Variants in VPS13B observed in about 807,000 individuals in gnomAD.
VPS13B encodes intermembrane lipid transfer protein VPS13B.
In VPS13B, 285 loss-of-function variants were observed where a neutral mutation model predicts 426.4. The observed-to-expected ratio is 0.67, with a 90% CI of 0.61 to 0.74. The LOEUF is 0.74. Among genes scored for constraint, VPS13B ranks in the 30% least tolerant of loss-of-function variants. VPS13B has a pLI of 0.00. For synonymous variants in VPS13B, 1,676 were observed against 1,676.4 expected, an observed-to-expected ratio of 1.00 and a Z score of 0.01; for missense variants, 4,537 against 4,782.6, an observed-to-expected ratio of 0.95 and a Z score of 1.51.
chr8:99,571,613 C>T (rs1037517275), intron 31 of VPS13B, among the ~76,000 whole-genome samples: 5 of 151,890 alleles, frequency 3.3e-5, no homozygotes, highest in African/African-American at 1.2e-4. Context: ...AGTGTTTGCT[C>T]TTATTTGGTT....
At chr8:99,255,665 C>G (rs1270575483) in intron 17 of VPS13B, among the ~76,000 whole-genome samples, 1 of 152,078 alleles carries the variant, frequency 6.6e-6, no homozygotes, top group Non-Finnish European at 1.5e-5. Context: ...AAAATTCTGG[C>G]TCTCAGTGAG....
intron 15 of VPS13B, among the ~76,000 whole-genome samples, chr8:99,162,577 G>A (rs1490714168): frequency 6.6e-6 from 1 of 152,014 alleles, no homozygotes; most frequent in Non-Finnish European, 1.5e-5. Flanking sequence ...TCGTGGTCTC[G>A]CTGGCTCAGG....
intron 2 of VPS13B, among the ~76,000 whole-genome samples, chr8:99,019,091 T>C: frequency 6.6e-6 from 1 of 152,164 alleles, no homozygotes; most frequent in Non-Finnish European, 1.5e-5. Flanking sequence ...ATTGATTTAT[T>C]TGTGAGGTAT....
intron 19 of VPS13B, among the ~76,000 whole-genome samples, chr8:99,303,638 A>G (rs935722842): frequency 2.6e-4 from 35 of 132,744 alleles, no homozygotes; most frequent in African/African-American, 9.2e-4. Context: ...CTAAGACAGG[A>G]GAATTGCTTG....
At chr8:99,577,344 C>T (rs1825824923) in intron 32 of VPS13B, 146 bp from the exon 33 acceptor site, 9 of 1,010,412 alleles carry the variant, frequency 8.9e-6, no homozygotes, top group Non-Finnish European at 1.3e-5. Context: ...TGGCTGTGCT[C>T]ACCATTTTTG....
At chr8:99,215,376 T>C (rs1815326379) in intron 17 of VPS13B, among the ~76,000 whole-genome samples, 1 of 152,206 alleles carries the variant, frequency 6.6e-6, no homozygotes, top group Non-Finnish European at 1.5e-5. Flanking sequence ...TGTGAAAAAT[T>C]GTTAAAATAG....
At chr8:99,510,714 G>T (rs1219786243) in intron 28 of VPS13B, among the ~76,000 whole-genome samples, 3 of 152,150 alleles carry the variant, frequency 2.0e-5, no homozygotes, top group African/African-American at 7.2e-5. Context: ...ATTTCACCAT[G>T]TTGGCCAGGC....
intron 34 of VPS13B, among the ~76,000 whole-genome samples, chr8:99,656,519 C>T (rs1018652655): frequency 6.6e-6 from 1 of 152,010 alleles, no homozygotes; most frequent in African/African-American, 2.4e-5. Context: ...TGGTACATTC[C>T]CCAGTGTGTT....
chr8:99,477,479 T>C (rs1218384405), intron 24 of VPS13B, among the ~76,000 whole-genome samples: 5 of 152,356 alleles, frequency 3.3e-5, no homozygotes, highest in East Asian at 1.9e-4. Flanking sequence ...CCCATTAAGA[T>C]TGCATACTGA....
Position 99,876,019 on chromosome 8 carries a change from C to CACAGGGCCCTATA in VPS13B, c.*353_*354insACAGGGCCCTATA. ...AATGATTAACAGGGCCCTATATGTT[C>CACAGGGCCCTATA]TTACCACATACAGAGGATGCATTTA... On this transcript the variant is annotated 3_prime_UTR_variant, in exon 62 of 62. Coordinates refer to ENST00000357162, the MANE Select transcript of VPS13B (RefSeq NM_152564.5). 6.4e-6 allele frequency: 2 copies of CACAGGGCCCTATA among 313,924 alleles called. No individual in the cohort carries two copies. Among genetic ancestry groups the CACAGGGCCCTATA allele is most frequent in the Non-Finnish European group, 1.2e-5 (2 of 165,284 alleles). The allele number at this position is 313,924 out of a possible 1,614,324, so 19.4% of individuals were successfully genotyped here.
chr8:99,021,956 A>G (rs77712744), intron 2 of VPS13B, among the ~76,000 whole-genome samples: 2 of 152,112 alleles, frequency 1.3e-5, no homozygotes, highest in Admixed American at 6.5e-5. Flanking sequence ...AAATGTATCT[A>G]TAGGATCTGC....
At position 99,854,183 on chromosome 8, in the gene VPS13B, C is replaced by A; in HGVS notation, c.10794C>A (p.Pro3598=). The A allele has an allele frequency of 6.2e-7, 1 of 1,613,964 alleles. No individual in the cohort carries two copies. Among genetic ancestry groups the A allele is most frequent in the Non-Finnish European group, 8.5e-7 (1 of 1,180,002 alleles). The change falls in exon 56 of 62, where the codon CCC becomes CCA. Residue 3598 remains proline (P), a synonymous_variant. Coordinates refer to ENST00000357162, the MANE Select transcript of VPS13B (RefSeq NM_152564.5). ...PLSFSVFERG[P]IFTTARQLVH... The stretch of plus-strand genomic sequence containing the variant: ...CCTTCTCGGTGTTTGAAAGAGGACC[C>A]ATCTTCACCACTGCGAGGCAGCTTG...
At chr8:99,789,146 C>T (rs576925963) in intron 43 of VPS13B, among the ~76,000 whole-genome samples, 4 of 152,166 alleles carry the variant, frequency 2.6e-5, no homozygotes, top group South Asian at 2.1e-4. Context: ...TTGTCTAAAA[C>T]GGAAAGCAAC....
At chr8:99,868,027 G>A in intron 58 of VPS13B, 2 of 432,798 alleles carry the variant, frequency 4.6e-6, no homozygotes, top group Non-Finnish European at 8.6e-6. Context: ...TAGCCTGACA[G>A]GTTTGTTAAA....
chr8:99,505,811 TGC>T, intron 27 of VPS13B, among the ~76,000 whole-genome samples: 1 of 152,146 alleles, frequency 6.6e-6, no homozygotes, highest in Non-Finnish European at 1.5e-5. Context: ...ATCTGCACTA[TGC>T]AATAAAGCAA....
At chr8:99,791,035 A>G (rs542442271) in intron 43 of VPS13B, among the ~76,000 whole-genome samples, 1 of 152,316 alleles carries the variant, frequency 6.6e-6, no homozygotes, top group African/African-American at 2.4e-5. Flanking sequence ...TTAGCTTTCC[A>G]CAGAAGCTAA....
rs761218548 is a variant in VPS13B at position 99,135,639 on chromosome 8, G to A, written c.1469G>A (p.Gly490Asp). ...TGTGGTGACAATTTGAGTACGAAAGGTTTCACATACCTTACAAATTCATTG... is the reference window on the plus strand; with the variant it reads ...TGTGGTGACAATTTGAGTACGAAAGATTTCACATACCTTACAAATTCATTG... ...FICGDNLSTK[G>D]FTYLTNSLFD... is the part of the protein sequence containing the mutation. The change falls in exon 11 of 62, where the codon GGT (glycine) becomes GAT (aspartate). Residue 490 changes from glycine to aspartate, a missense_variant. Transcript: ENST00000357162. 6.8e-6 allele frequency: 11 copies of A among 1,613,338 alleles called. No homozygotes were observed. Among genetic ancestry groups the A allele is most frequent in the Non-Finnish European group, 8.5e-6 (10 of 1,179,514 alleles).
chr8:99,812,717 A>G (rs914172797), intron 44 of VPS13B, among the ~76,000 whole-genome samples: 6 of 152,180 alleles, frequency 3.9e-5, no homozygotes, highest in African/African-American at 1.4e-4. Context: ...TTACTACTCT[A>G]AAATCTCAAA....
Position 99,740,843 on chromosome 8 carries a change from C to G in VPS13B, c.7050+19796C>G, listed in dbSNP as rs541821570. ...AGGAAGCACTAAACATGGAAAGGAACAACCAGTACCAGCCACTGCAAAATC... is the reference window on the plus strand; with the variant it reads ...AGGAAGCACTAAACATGGAAAGGAAGAACCAGTACCAGCCACTGCAAAATC... On this transcript the variant is annotated intron_variant, in intron 39 of 61. Transcript: ENST00000357162. 3.4e-4 allele frequency among the ~76,000 whole-genome samples: 51 copies of G among 151,714 alleles called. 1 individual carries two copies. The highest frequency in any genetic ancestry group is 1.2e-3 in the African/African-American group (50 of 41,102).
Sources: gnomAD v4.1 joint callset for allele counts (sites outside exome capture counted in the v4.1 genomes callset) on GRCh38, gnomAD v4.1.1 for gene constraint, MANE v1.5 for transcripts, NCBI Gene and HGNC (gene_info 2026-07-23, HGNC 2026-07-21) for gene names.